The following ST18 variants were observed in gnomAD, a reference collection of about 807,000 sequenced individuals.
ST18 encodes the protein ST18 C2H2C-type zinc finger transcription factor.
Under a neutral mutation model 110.0 loss-of-function variants are expected in ST18, and 50 were observed. The ratio of observed to expected loss-of-function variants is 0.45; its 90% CI spans 0.36 to 0.58. The LOEUF is 0.58. ST18 is among the 20% of genes least tolerant of loss of function. The pLI is 0.00. For missense variants in ST18, 1,306 were observed against 1,280.1 expected (o/e 1.02, Z -0.31); for synonymous variants, 461 against 452.4 (o/e 1.02, Z -0.24).
intron 7 of ST18, among the ~76,000 whole-genome samples, chr8:52,212,630 A>T (rs1198791405): frequency 6.6e-6 from 1 of 152,206 alleles, no homozygotes; most frequent in African/African-American, 2.4e-5. Flanking sequence ...ACTTACAGGA[A>T]AAACAGCTTT....
intron 2 of ST18, among the ~76,000 whole-genome samples, chr8:52,266,029 A>T (rs1367573954): frequency 1.3e-5 from 2 of 152,250 alleles, no homozygotes; most frequent in East Asian, 3.8e-4. Context: ...ACACGTGGTT[A>T]ACTGTATCAA....
intron 2 of ST18, among the ~76,000 whole-genome samples, chr8:52,285,665 A>G (rs35793445): frequency 0.025 from 3,755 of 152,312 alleles, 88 homozygotes; most frequent in South Asian, 0.093. Flanking sequence ...CCCCAGAGGG[A>G]CTCAGGCTGT....
chr8:52,120,837 G>A (rs944138637), intron 23 of ST18, among the ~76,000 whole-genome samples: 2 of 152,152 alleles, frequency 1.3e-5, no homozygotes, highest in African/African-American at 4.8e-5. Flanking sequence ...CTGGGTGTAG[G>A]GAAGTGAGGT....
chr8:52,282,605 A>T (rs1036005532), intron 2 of ST18, among the ~76,000 whole-genome samples: 1 of 152,140 alleles, frequency 6.6e-6, no homozygotes, highest in African/African-American at 2.4e-5. Flanking sequence ...TGCCTTGTGT[A>T]GGCTGAGCAC....
At chr8:52,268,221 TCTC>T (rs1017676808) in intron 2 of ST18, among the ~76,000 whole-genome samples, 2 of 152,200 alleles carry the variant, frequency 1.3e-5, no homozygotes, top group Non-Finnish European at 2.9e-5. Flanking sequence ...TCCCAGGTCT[TCTC>T]CTATTCAAAG....
chr8:52,190,415 A>T (rs542984569), intron 8 of ST18, among the ~76,000 whole-genome samples: 25 of 152,030 alleles, frequency 1.6e-4, no homozygotes, highest in African/African-American at 6.0e-4. Flanking sequence ...TTTTTTTTCC[A>T]TTTAATTAAC....
chr8:52,305,483 G>C (rs1296971780), intron 2 of ST18, among the ~76,000 whole-genome samples: 1 of 152,202 alleles, frequency 6.6e-6, no homozygotes, highest in Admixed American at 6.5e-5. Context: ...TGTAGCTCCT[G>C]CTTGGACCTC....
intron 6 of ST18, among the ~76,000 whole-genome samples, chr8:52,216,979 A>G (rs1488520063): frequency 6.6e-6 from 1 of 152,204 alleles, no homozygotes; most frequent in Non-Finnish European, 1.5e-5. Context: ...TGATTATGGT[A>G]TGATTCAAGA....
chr8:52,313,752 C>G (rs1299814096), intron 2 of ST18, among the ~76,000 whole-genome samples: 1 of 152,114 alleles, frequency 6.6e-6, no homozygotes, highest in East Asian at 1.9e-4. Context: ...GAGGCAATGG[C>G]TGAGGCTCAG....
intron 2 of ST18, among the ~76,000 whole-genome samples, chr8:52,308,710 G>A (rs1309759193): frequency 6.6e-6 from 1 of 152,214 alleles, no homozygotes; most frequent in East Asian, 1.9e-4. Flanking sequence ...GCTATCCTAG[G>A]AGGAGGGCAG....
Position 52,166,881 on chromosome 8 carries a change from C to T in ST18, c.1175G>A (p.Cys392Tyr), listed in dbSNP as rs1248493740. ...CAGGGGAACCCGCACTTTGTGGGGG[C>T]ACCCCGAAAGGCTGCGGTGGTGCGG... Reference protein sequence around the residue: ...LYPHHRSLSGCPHKVRVPLEI... With the variant: ...LYPHHRSLSGYPHKVRVPLEI... The change falls in exon 11 of 26, where the codon TGC becomes TAC. Residue 392 changes from cysteine to tyrosine, a missense_variant. Transcript: ENST00000689386. The T allele has an allele frequency of 6.3e-7, 1 of 1,596,198 alleles. No individual in the cohort carries two copies. Among genetic ancestry groups the T allele is most frequent in the East Asian group, 2.3e-5 (1 of 44,264 alleles).
At chr8:52,303,014 C>A (rs936091494) in intron 2 of ST18, among the ~76,000 whole-genome samples, 5 of 152,100 alleles carry the variant, frequency 3.3e-5, no homozygotes, top group African/African-American at 9.7e-5. Flanking sequence ...AAAAAAGAAT[C>A]CTTATTTATT....
intron 2 of ST18, among the ~76,000 whole-genome samples, chr8:52,350,972 G>A (rs1157065556): frequency 2.6e-5 from 4 of 151,824 alleles, no homozygotes; most frequent in Non-Finnish European, 5.9e-5. Flanking sequence ...TGCCTGCCTC[G>A]GCCTCCCAAA....
intron 2 of ST18, among the ~76,000 whole-genome samples, chr8:52,307,801 C>G (rs556239776): frequency 3.3e-5 from 5 of 152,148 alleles, no homozygotes; most frequent in Non-Finnish European, 7.4e-5. Flanking sequence ...TGCTGAAACT[C>G]TTTTCATGAC....
At chr8:52,387,221 TA>T (rs1454516379) in intron 2 of ST18, among the ~76,000 whole-genome samples, 1 of 152,198 alleles carries the variant, frequency 6.6e-6, no homozygotes, top group Admixed American at 6.5e-5. Context: ...TGTCAACTGA[TA>T]ATAGATATAA....
rs182453667 is a variant in ST18 at position 52,161,458 on chromosome 8, T to G, written c.1511A>C (p.Tyr504Ser). ...GAAAACTTGGGCATCAAAACTGGCATAATCAAATGGTACTTTTCCAAACTT... is the reference window on the plus strand; with the variant it reads ...GAAAACTTGGGCATCAAAACTGGCAGAATCAAATGGTACTTTTCCAAACTT... ...QEKFGKVPFD[Y>S]ASFDAQVFGK... is the part of the protein sequence containing the mutation. Residue 504 changes from tyrosine to serine, a missense_variant, in exon 14 of 26, where the codon TAT becomes TCT. Physicochemically the swap from Tyr to Ser is moderately radical, Grantham distance 144 (BLOSUM62 -2). Transcript: ENST00000689386. 1 of 1,614,156 alleles carries G rather than the reference T, an allele frequency of 6.2e-7. No individual in the cohort carries two copies. Among genetic ancestry groups the G allele is most frequent in the East Asian group, 2.2e-5 (1 of 44,874 alleles).
chr8:52,181,880 G>T (rs2069766626), intron 8 of ST18, among the ~76,000 whole-genome samples: 1 of 152,078 alleles, frequency 6.6e-6, no homozygotes, highest in Admixed American at 6.6e-5. Flanking sequence ...GGCTTTGAGG[G>T]GCTGAACAGG....
At chr8:52,292,798 C>T (rs2095575782) in intron 2 of ST18, among the ~76,000 whole-genome samples, 1 of 152,172 alleles carries the variant, frequency 6.6e-6, no homozygotes. Flanking sequence ...ACACACAAAG[C>T]CTTGGTTTTG....
intron 2 of ST18, among the ~76,000 whole-genome samples, chr8:52,388,842 C>T (rs1838037002): frequency 6.7e-6 from 1 of 148,324 alleles, no homozygotes; most frequent in Non-Finnish European, 1.5e-5. Context: ...GGAGGGATAG[C>T]TTTAGGAGAT....
Sources: gnomAD v4.1 joint callset for allele counts (sites outside exome capture counted in the v4.1 genomes callset) on GRCh38, gnomAD v4.1.1 for gene constraint, MANE v1.5 for transcripts, NCBI Gene and HGNC (gene_info 2026-07-23, HGNC 2026-07-21) for gene names.